The following TRIM68 variants were observed in gnomAD, a reference collection of about 807,000 sequenced individuals.
The protein encoded by TRIM68 is tripartite motif containing 68, also known as E3 ubiquitin-protein ligase TRIM68.
A neutral mutation model predicts 41.9 loss-of-function variants in TRIM68; 36 were observed. That is an observed-to-expected ratio of 0.86 (90% CI 0.66 to 1.14). The LOEUF (loss-of-function observed/expected upper bound fraction) is 1.14, where lower values mean the gene tolerates loss of function less well. Among genes scored for constraint, TRIM68 ranks in the 50% most tolerant of loss-of-function variants. The pLI is 0.00. For missense variants in TRIM68, 632 were observed against 605.1 expected (o/e 1.04, Z -0.47); for synonymous variants, 225 against 224.6 (o/e 1.00, Z -0.02).
Position 4,605,427 on chromosome 11 carries a change from G to C in TRIM68, c.78C>G (p.Pro26=), listed in dbSNP as rs569951692. The change falls in exon 2 of 7, where the codon CCC becomes CCG. Residue 26 remains proline (P), a synonymous_variant. Transcript: ENST00000300747. ...CPICMTFLRE[P]MSIDCGHSFC... is the part of the protein sequence containing the mutation. Reference sequence around the variant, plus strand: ...AGCTGTGGCCACAGTCAATGCTCATGGGCTCCCTCAGGAAGGTCATACAGA... The same window carrying C: ...AGCTGTGGCCACAGTCAATGCTCATCGGCTCCCTCAGGAAGGTCATACAGA... 1.2e-6 allele frequency: 2 copies of C among 1,614,180 alleles called. No homozygotes were observed. Among genetic ancestry groups the C allele is most frequent in the Non-Finnish European group, 1.7e-6 (2 of 1,180,028 alleles).
At position 4,605,123 on chromosome 11, in the gene TRIM68, C is replaced by T; in HGVS notation, c.382G>A (p.Ala128Thr). 6.2e-7 allele frequency: 1 copy of T among 1,614,186 alleles called. No homozygotes were observed. The highest frequency in any genetic ancestry group is 8.5e-7 in the Non-Finnish European group (1 of 1,180,032). ...TCCTCCATTGGCACAACACTGTGGG[C>T]CTCATGCTCTGGGGACTGGCTGCAG... ...EACSQSPEHE[A>T]HSVVPMEDVA... The change falls in exon 2 of 7, where the codon GCC becomes ACC. Residue 128 changes from alanine (A) to threonine (T), a missense_variant. Transcript: ENST00000300747.
Position 4,605,168 on chromosome 11 carries a change from C to T in TRIM68, c.337G>A (p.Val113Ile). ...EKLKMFCKED[V>I]LIMCEACSQS... ...CTGCAGGCCTCACACATTATCAAGA[C>T]ATCCTCTTTGCAGAACATCTTCAGC... Residue 113 changes from valine to isoleucine, a missense_variant, in exon 2 of 7, where the codon GTC becomes ATC. Coordinates refer to ENST00000300747, the MANE Select transcript of TRIM68 (RefSeq NM_018073.8). The T allele has an allele frequency of 6.2e-7, 1 of 1,614,248 alleles. No homozygotes were observed. Among genetic ancestry groups the T allele is most frequent in the Non-Finnish European group, 8.5e-7 (1 of 1,180,042 alleles).
intron 1 of TRIM68, 104 bp downstream of exon 1, chr11:4,607,919 TCCTG>T (rs1846592746): frequency 6.6e-6 from 1 of 152,236 alleles, no homozygotes; most frequent in Non-Finnish European, 1.5e-5. Flanking sequence ...AGGGAGCAGC[TCCTG>T]GCCTGGCCAC....
Position 4,603,359 on chromosome 11 carries a change from T to G in TRIM68, c.427-19A>C. The G allele has an allele frequency of 1.2e-6, 2 of 1,612,798 alleles. No individual in the cohort carries two copies. The highest frequency in any genetic ancestry group is 1.7e-6 in the Non-Finnish European group (2 of 1,179,086). On this transcript the variant is annotated intron_variant, in intron 2 of 6. Transcript: ENST00000300747. Reference sequence around the variant, plus strand: ...GTTCCCACTGCAAGAGACAAAACCCTCATGAGGCCACCTCCGGCAGCCTAG... The same window carrying G: ...GTTCCCACTGCAAGAGACAAAACCCGCATGAGGCCACCTCCGGCAGCCTAG...
chr11:4,604,029 C>T (rs887462926), intron 2 of TRIM68, among the ~76,000 whole-genome samples: 12 of 152,134 alleles, frequency 7.9e-5, no homozygotes, highest in Non-Finnish European at 1.6e-4. Flanking sequence ...ATTTTATAGA[C>T]AAGAAAACTG....
chr11:4,605,626 C>T (rs1846558643), intron 1 of TRIM68, 65 bp from the exon 2 acceptor site: 2 of 998,324 alleles, frequency 2.0e-6, no homozygotes, highest in Admixed American at 5.7e-5. Flanking sequence ...AGATCAGTAA[C>T]AGGAATAATT....
intron 4 of TRIM68, 28 bp from the exon 5 acceptor site, chr11:4,601,714 C>A (rs368864837): frequency 8.1e-6 from 13 of 1,613,804 alleles, no homozygotes; most frequent in Non-Finnish European, 1.1e-5. Context: ...AATGCAGCAT[C>A]TGAGTAAGTG....
chr11:4,601,142 T>G lies in TRIM68; in HGVS notation c.807-15A>C, dbSNP rs766748437. On this transcript the variant is annotated splice_polypyrimidine_tract_variant and intron_variant, in intron 5 of 6. Coordinates refer to ENST00000300747, the MANE Select transcript of TRIM68 (RefSeq NM_018073.8). ...AAGATTTGCTCCTGGTAGAGGAGGG[T>G]GAACCTCAGGGCCAGGAGTCCCGGC... 4.4e-6 allele frequency: 7 copies of G among 1,607,200 alleles called. No individual in the cohort carries two copies. Among genetic ancestry groups the G allele is most frequent in the Non-Finnish European group, 6.0e-6 (7 of 1,173,830 alleles).
intron 5 of TRIM68, 90 bp downstream of exon 5, chr11:4,601,574 C>T (rs1318892155): frequency 3.0e-5 from 42 of 1,407,038 alleles, no homozygotes; most frequent in East Asian, 4.6e-5. Flanking sequence ...CTGTGTGCAC[C>T]GAGTCTGTGC....
rs753361401 is a variant in TRIM68, at chr11:4,600,773, C to T, written c.961G>A (p.Asp321Asn). The stretch of plus-strand genomic sequence containing the variant: ...TCTCCATAGTGCACACGTTTTCTGT[C>T]CTCAGACACGATGAGACGGGAGTAA... ...TAYSRLIVSE[D>N]RKRVHYGDTN... The change falls in exon 7 of 7, where the codon GAC (aspartate) becomes AAC (asparagine). Residue 321 changes from aspartate to asparagine, a missense_variant. Transcript: ENST00000300747. The T allele has an allele frequency of 2.0e-5, 33 of 1,614,122 alleles. No individual in the cohort carries two copies. The highest frequency in any genetic ancestry group is 2.6e-5 in the Non-Finnish European group (31 of 1,180,026).
chr11:4,602,647 A>G (rs1360852584), intron 3 of TRIM68, among the ~76,000 whole-genome samples: 2 of 152,174 alleles, frequency 1.3e-5, no homozygotes, highest in Non-Finnish European at 2.9e-5. Flanking sequence ...TATTATCTTA[A>G]TACTACATGC....
At chr11:4,606,571 T>C (rs1846572984) in intron 1 of TRIM68, among the ~76,000 whole-genome samples, 1 of 152,228 alleles carries the variant, frequency 6.6e-6, no homozygotes, top group Admixed American at 6.5e-5. Flanking sequence ...AAAATCCTTT[T>C]AGCATTTGTG....
At chr11:4,605,939 GAAGT>G (rs1485109564) in intron 1 of TRIM68, among the ~76,000 whole-genome samples, 5 of 152,168 alleles carry the variant, frequency 3.3e-5, no homozygotes, top group South Asian at 4.1e-4. Context: ...TTCAGTATCT[GAAGT>G]AAGGCCATAA....
chr11:4,607,123 C>T (rs1187384451), intron 1 of TRIM68, among the ~76,000 whole-genome samples: 3 of 152,352 alleles, frequency 2.0e-5, no homozygotes, highest in African/African-American at 4.8e-5. Context: ...GCAAACCCCT[C>T]GTCCATTCAA....
Position 4,603,331 on chromosome 11 carries a change from G to T in TRIM68, c.436C>A (p.His146Asn). 6.2e-7 allele frequency: 1 copy of T among 1,614,180 alleles called. No individual in the cohort carries two copies. Among genetic ancestry groups the T allele is most frequent in the East Asian group, 2.2e-5 (1 of 44,880 alleles). The part of the protein sequence containing the change: ...DVAWEYKWEL[H>N]EALEHLKKEQ... The stretch of plus-strand genomic sequence containing the variant: ...TTCTTCAGATGTTCGAGGGCCTCAT[G>T]AAGTTCCCACTGCAAGAGACAAAAC... The change falls in exon 3 of 7, where the codon CAT (histidine) becomes AAT (asparagine). Residue 146 changes from histidine (H) to asparagine (N), a missense_variant. By Grantham distance (68) the His-to-Asn change is moderately conservative. Coordinates refer to ENST00000300747, the MANE Select transcript of TRIM68 (RefSeq NM_018073.8).
Position 4,600,438 on chromosome 11 carries a change from A to G in TRIM68, c.1296T>C (p.His432=). 6 of 1,613,202 alleles carry G rather than the reference A, an allele frequency of 3.7e-6. No individual in the cohort carries two copies. Among genetic ancestry groups the G allele is most frequent in the Non-Finnish European group, 5.1e-6 (6 of 1,179,206 alleles). ...RVGIFVDYEA[H]DISFYNVTDC... Reference sequence around the variant, plus strand: ...CAGTCACATTGTAGAAAGAAATGTCATGGGCCTCATAATCCACGAAGATTC... The same window carrying G: ...CAGTCACATTGTAGAAAGAAATGTCGTGGGCCTCATAATCCACGAAGATTC... Residue 432 remains histidine (H), a synonymous_variant, in exon 7 of 7, where the codon CAT becomes CAC. Coordinates refer to ENST00000300747, the MANE Select transcript of TRIM68 (RefSeq NM_018073.8).
chr11:4,600,028 C>G lies in TRIM68; in HGVS notation c.*248G>C, dbSNP rs572766515. 2.2e-6 allele frequency: 1 copy of G among 446,678 alleles called. No individual in the cohort carries two copies. Among genetic ancestry groups the G allele is most frequent in the Admixed American group, 3.7e-5 (1 of 26,982 alleles). 27.7% of individuals were successfully genotyped at this position (446,678 alleles called of 1,614,324 possible). On this transcript the variant is annotated 3_prime_UTR_variant, in exon 7 of 7. Transcript: ENST00000300747. The stretch of plus-strand genomic sequence containing the variant: ...GAGTCACCTTAGAACTGCTCTGATC[C>G]TCACCATCAGCCCTGTCGTGCTTCC...
rs1846482863 is a variant in TRIM68 at position 4,601,097 on chromosome 11, T to G, written c.837A>C (p.Glu279Asp). ...CTGTCTTCAACTCCAGGGAGATTGG[T>G]TCTGGCTGCTGCAAGCTCCAAGATT... ...RSKSWSLQQPEPISLELKTDC... is the reference protein window; with the variant it reads ...RSKSWSLQQPDPISLELKTDC... Residue 279 changes from glutamate (E) to aspartate (D), a missense_variant, in exon 6 of 7, where the codon GAA (glutamate) becomes GAC (aspartate). Transcript: ENST00000300747. 1.9e-6 allele frequency: 3 copies of G among 1,614,170 alleles called. No individual in the cohort carries two copies. Among genetic ancestry groups the G allele is most frequent in the Non-Finnish European group, 2.5e-6 (3 of 1,180,012 alleles).
intron 6 of TRIM68, 98 bp downstream of exon 6, chr11:4,600,929 T>A: frequency 6.4e-7 from 1 of 1,564,402 alleles, no homozygotes; most frequent in East Asian, 2.3e-5. Context: ...GATGAAGGGG[T>A]GAGGCTGGAT....
Sources: allele counts gnomAD v4.1 joint callset (sites outside exome capture counted in the v4.1 genomes callset), GRCh38; gene constraint gnomAD v4.1.1; transcripts MANE v1.5; gene names NCBI Gene and HGNC (gene_info 2026-07-23, HGNC 2026-07-21).